SCAF11: variants seen among roughly 807,000 people sequenced by gnomAD.
SCAF11 encodes protein SCAF11.
A neutral mutation model predicts 140.5 loss-of-function variants in SCAF11; 47 were observed. That is an observed-to-expected ratio of 0.33 (90% confidence interval 0.26 to 0.43). SCAF11 has a LOEUF of 0.43. SCAF11 is among the 20% of genes least tolerant of loss of function. The probability of loss-of-function intolerance (pLI) is 1.00; values close to 1 mark genes in which losing one functional copy is unlikely to be tolerated. For missense variants in SCAF11, 1,645 were observed against 1,705.1 expected, an observed-to-expected ratio of 0.96 and a Z score of 0.62; for synonymous variants, 557 against 579.4, an observed-to-expected ratio of 0.96 and a Z score of 0.55.
Position 45,928,181 on chromosome 12 carries a change from A to G in SCAF11, c.1520T>C (p.Leu507Ser). 4 of 1,614,078 alleles carry G rather than the reference A, an allele frequency of 2.5e-6. No individual in the cohort carries two copies. Among genetic ancestry groups the G allele is most frequent in the Non-Finnish European group, 3.4e-6 (4 of 1,180,018 alleles). Residue 507 changes from leucine to serine, a missense_variant, in exon 11 of 15, where the codon TTG becomes TCG. Leu to Ser is a moderately radical substitution (Grantham distance 145). Coordinates refer to ENST00000369367, the MANE Select transcript of SCAF11 (RefSeq NM_004719.3). ...AATATTTTCAGAAATCTCACTTTCC[A>G]AACACAAAACATTAGCCTCTATACC... ...NTGIEANVLC[L>S]ESEISENILE...
At position 45,926,690 on chromosome 12, in the gene SCAF11, T is replaced by A; in HGVS notation, c.3011A>T (p.His1004Leu). The A allele has an allele frequency of 6.2e-7, 1 of 1,613,474 alleles. No homozygotes were observed. The highest frequency in any genetic ancestry group is 2.2e-5 in the East Asian group (1 of 44,878). Residue 1004 changes from histidine to leucine, a missense_variant, in exon 11 of 15, where the codon CAT (histidine) becomes CTT (leucine). By Grantham distance (99) the His-to-Leu change is moderately conservative (BLOSUM62 -3). Around this residue, in one of 2 missense-constraint regions of SCAF11, gnomAD observed 1,582 missense variants for 1,609.2 expected, o/e 0.98. Transcript: ENST00000369367. ...ENTRKEKNDI[H>L]LDADDPNSAD... Reference sequence around the variant, plus strand: ...AGAATTTGGATCATCAGCATCTAGATGGATGTCATTTTTTTCTTTTCTTGT... The same window carrying A: ...AGAATTTGGATCATCAGCATCTAGAAGGATGTCATTTTTTTCTTTTCTTGT...
At chr12:45,932,861 T>C (rs143716403) in intron 9 of SCAF11, among the ~76,000 whole-genome samples, 143 of 152,240 alleles carry the variant, frequency 9.4e-4, no homozygotes, top group African/African-American at 3.2e-3. Flanking sequence ...TTACTAACAA[T>C]AAATCTTAAT....
At chr12:45,969,141 G>A (rs1049817180) in intron 1 of SCAF11, among the ~76,000 whole-genome samples, 5 of 152,140 alleles carry the variant, frequency 3.3e-5, no homozygotes, top group Non-Finnish European at 7.3e-5. Flanking sequence ...TTTAATAGCT[G>A]CACTGCTACT....
intron 1 of SCAF11, among the ~76,000 whole-genome samples, chr12:45,982,827 C>T (rs1026532900): frequency 2.6e-5 from 4 of 152,158 alleles, no homozygotes; most frequent in Admixed American, 2.0e-4. Context: ...TTACTTTAAG[C>T]TGCTAAATAA....
rs200486339 is a variant in SCAF11 at position 45,927,174 on chromosome 12, G to T, written c.2527C>A (p.Arg843=). ...PSPKNESARG[R]KKSRSQSPKK... Reference sequence around the variant, plus strand: ...GGGGACTGAGAACGGGATTTTTTCCGGCCTCTGGCTGACTCATTCTTAGGA... The same window carrying T: ...GGGGACTGAGAACGGGATTTTTTCCTGCCTCTGGCTGACTCATTCTTAGGA... The change falls in exon 11 of 15, where the codon CGG becomes AGG. Residue 843 remains arginine (R), a synonymous_variant. Transcript: ENST00000369367. The T allele has an allele frequency of 1.1e-5, 17 of 1,613,766 alleles. No individual in the cohort carries two copies. The highest frequency in any genetic ancestry group is 1.4e-5 in the Non-Finnish European group (16 of 1,179,922).
intron 1 of SCAF11, among the ~76,000 whole-genome samples, chr12:45,976,259 A>T (rs567337169): frequency 6.6e-6 from 1 of 152,298 alleles, no homozygotes; most frequent in East Asian, 1.9e-4. Flanking sequence ...GCTACCACTA[A>T]AAACATTAGT....
At chr12:45,925,193 T>C (rs1944830126) in intron 11 of SCAF11, 119 bp from the exon 12 acceptor site, 2 of 671,618 alleles carry the variant, frequency 3.0e-6, no homozygotes, top group East Asian at 5.5e-5. Context: ...AGTATACCAA[T>C]ACCAATCTCC....
chr12:45,984,370 G>C (rs933481737), intron 1 of SCAF11, among the ~76,000 whole-genome samples: 27 of 152,138 alleles, frequency 1.8e-4, no homozygotes, highest in Admixed American at 1.6e-3. Flanking sequence ...GTTAGATTCA[G>C]GTTGTACACT....
At chr12:45,947,311 T>C (rs1945445188) in intron 5 of SCAF11, among the ~76,000 whole-genome samples, 1 of 152,190 alleles carries the variant, frequency 6.6e-6, no homozygotes, top group Admixed American at 6.5e-5. Context: ...AAAAATGTGT[T>C]AAACACCTAC....
At chr12:45,945,738 C>G (rs1420311288) in intron 5 of SCAF11, among the ~76,000 whole-genome samples, 3 of 151,902 alleles carry the variant, frequency 2.0e-5, no homozygotes, top group African/African-American at 7.3e-5. Flanking sequence ...TCCCTTTGCT[C>G]ATGAGGCTGT....
intron 3 of SCAF11, chr12:45,961,241 T>C: frequency 2.9e-6 from 2 of 689,102 alleles, no homozygotes; most frequent in Non-Finnish European, 5.4e-6. Flanking sequence ...ATCTGTAAAA[T>C]GGAAGGACAC....
rs562493971 is a variant in SCAF11, at chr12:45,932,947, T to C, written c.734+184A>G. ...TGTTAAACAGATAAATTAAGGATTCTTTACTTTCTAAGGGGTCCTTTATAT... is the reference window on the plus strand; with the variant it reads ...TGTTAAACAGATAAATTAAGGATTCCTTACTTTCTAAGGGGTCCTTTATAT... On this transcript the variant is annotated intron_variant, in intron 9 of 14. Transcript: ENST00000369367. Among the ~76,000 whole-genome samples, 43 of 152,258 alleles carry C rather than the reference T, an allele frequency of 2.8e-4. 1 individual carries two copies. The highest frequency in any genetic ancestry group is 4.3e-4 in the Non-Finnish European group (29 of 67,970).
intron 1 of SCAF11, among the ~76,000 whole-genome samples, chr12:45,984,158 G>A (rs10785592): frequency 0.39 from 58,720 of 151,206 alleles, 13,032 homozygotes; most frequent in East Asian, 0.55. Flanking sequence ...TTAATAAAAA[G>A]AAAAAGGGAT....
At chr12:45,956,220 A>G (rs968250298) in intron 3 of SCAF11, 20 of 712,240 alleles carry the variant, frequency 2.8e-5, no homozygotes, top group Non-Finnish European at 5.2e-5. Flanking sequence ...AAGTGTTAAG[A>G]CAAGTGCTTA....
Position 45,990,498 on chromosome 12 carries a change from G to A in SCAF11, c.-167C>T. On this transcript the variant is annotated 5_prime_UTR_variant, in exon 1 of 15. Coordinates refer to ENST00000369367, the MANE Select transcript of SCAF11 (RefSeq NM_004719.3). ...GGTCTCTAGGACACTGACTCCGCTG[G>A]CTCGGTCCGGAGGCGGCGGCGAAGC... The A allele has an allele frequency of 8.1e-7, 1 of 1,231,894 alleles. No homozygotes were observed. The highest frequency in any genetic ancestry group is 1.0e-6 in the Non-Finnish European group (1 of 988,158). The allele number at this position is 1,231,894 out of a possible 1,614,324, so 76.3% of individuals were successfully genotyped here.
chr12:45,983,721 CT>C (rs760818552), intron 1 of SCAF11, among the ~76,000 whole-genome samples: 240 of 147,900 alleles, frequency 1.6e-3, no homozygotes, highest in Non-Finnish European at 3.0e-3. Context: ...AAAACCAGGT[CT>C]GACTGACTCC....
intron 6 of SCAF11, among the ~76,000 whole-genome samples, chr12:45,936,648 T>A (rs1055783847): frequency 6.6e-6 from 1 of 152,176 alleles, no homozygotes; most frequent in East Asian, 1.9e-4. Flanking sequence ...TATGAACTGG[T>A]AACTCTCAAA....
intron 2 of SCAF11, 79 bp downstream of exon 2, chr12:45,964,028 C>T (rs1206451777): frequency 4.1e-5 from 30 of 730,550 alleles, no homozygotes; most frequent in Non-Finnish European, 6.2e-5. Flanking sequence ...CCTGTGTATT[C>T]TGAAATGTAT....
intron 6 of SCAF11, among the ~76,000 whole-genome samples, chr12:45,938,533 C>A (rs1314428398): frequency 6.6e-6 from 1 of 151,750 alleles, no homozygotes; most frequent in Admixed American, 6.6e-5. Context: ...ACTTTTCTTT[C>A]ATTCCTTTAT....
Sources: gnomAD v4.1 joint callset for allele counts (sites outside exome capture counted in the v4.1 genomes callset) on GRCh38, gnomAD v4.1.1 for gene constraint, gnomAD v4.1.1 regional missense constraint, MANE v1.5 for transcripts, NCBI Gene and HGNC (gene_info 2026-07-23, HGNC 2026-07-21) for gene names.